DCTN5: variants seen among roughly 807,000 people sequenced by gnomAD.
DCTN5 encodes the protein dynactin subunit 5.
DCTN5 carries 14 observed loss-of-function variants against 23.5 expected under a neutral mutation model. The observed-to-expected ratio is 0.60, with a 90% CI of 0.39 to 0.93. The LOEUF is 0.93. Among genes scored for constraint, DCTN5 ranks in the 40% least tolerant of loss-of-function variants. The pLI is 0.00. For synonymous variants in DCTN5, 67 were observed against 79.6 expected, an observed-to-expected ratio of 0.84 and a Z score of 0.84; for missense variants, 156 against 225.9, an observed-to-expected ratio of 0.69 and a Z score of 1.98.
Position 23,641,558 on chromosome 16 carries a change from C to T in DCTN5, c.16C>T (p.Leu6=), listed in dbSNP as rs780087217. 6.2e-7 allele frequency: 1 copy of T among 1,614,112 alleles called. No homozygotes were observed. Among genetic ancestry groups the T allele is most frequent in the Middle Eastern group, 1.7e-4 (1 of 6,060 alleles). MELGE[L]LYNKSEYIET... ...GGCGGCGGCCATGGAGTTGGGCGAG[C>T]TGCTCTACAACAAGTCTGAGTACAT... The change falls in exon 1 of 6, where the codon CTG becomes TTG. Residue 6 remains leucine (L), a synonymous_variant. Transcript: ENST00000300087.
chr16:23,661,037 T>G, intron 3 of DCTN5, 133 bp from the exon 4 acceptor site: 1 of 486,346 alleles, frequency 2.1e-6, no homozygotes, highest in African/African-American at 2.0e-5. Context: ...TTTTCTAGCC[T>G]GAGGTTTCTT....
chr16:23,645,137 A>ATTTTTTTTTTTTTTTT (rs869033729), intron 2 of DCTN5, among the ~76,000 whole-genome samples: 1 of 30,806 alleles, frequency 3.2e-5, no homozygotes, highest in African/African-American at 1.3e-4. Context: ...ATATATATAT[A>ATTTTTTTTTTTTTTTT]TTTTTTTTTT....
rs760047511 is a variant in DCTN5, at chr16:23,661,166, C to A, written c.237-4C>A. 8.1e-6 allele frequency: 13 copies of A among 1,602,164 alleles called. No individual in the cohort carries two copies. The African/African-American group carries it at 1.7e-4, about 21-fold the overall frequency. ...TCTGTGTTCATCTTCTTTTCCTCTT[C>A]TAGTGTTGCATTCTTTCCTTTACAT... On this transcript the variant is annotated splice_polypyrimidine_tract_variant and splice_region_variant and intron_variant, in intron 3 of 5. Coordinates refer to ENST00000300087, the MANE Select transcript of DCTN5 (RefSeq NM_032486.4).
intron 4 of DCTN5, among the ~76,000 whole-genome samples, chr16:23,664,489 T>C (rs1367735004): frequency 1.3e-5 from 2 of 152,234 alleles, no homozygotes; most frequent in Non-Finnish European, 2.9e-5. Context: ...TGTAAAGATT[T>C]CCACATTCTC....
chr16:23,658,462 C>T (rs1470953289), intron 2 of DCTN5, 45 bp from the exon 3 acceptor site: 12 of 1,285,680 alleles, frequency 9.3e-6, no homozygotes, highest in Admixed American at 6.8e-5. Flanking sequence ...TTTGTTACGT[C>T]TTAGGCTATG....
chr16:23,658,699 TGTG>T, intron 3 of DCTN5, 74 bp downstream of exon 3: 1 of 1,122,570 alleles, frequency 8.9e-7, no homozygotes, highest in Non-Finnish European at 1.4e-6. Context: ...TGTGTTGAGT[TGTG>T]GTATAATGAC....
chr16:23,667,886 G>T lies in DCTN5; in HGVS notation c.*742G>T, dbSNP rs1210626806. On this transcript the variant is annotated 3_prime_UTR_variant, in exon 6 of 6. Transcript: ENST00000300087. ...CTCATGTGGATGCATTAGTCAGGTGGTTACTCCTTGCTTCAAGGTACTTAC... is the reference window on the plus strand; with the variant it reads ...CTCATGTGGATGCATTAGTCAGGTGTTTACTCCTTGCTTCAAGGTACTTAC... 6.6e-6 allele frequency: 1 copy of T among 152,188 alleles called. No individual in the cohort carries two copies. The highest frequency in any genetic ancestry group is 2.4e-5 in the African/African-American group (1 of 41,426). 9.4% of individuals were successfully genotyped at this position (152,188 alleles called of 1,614,324 possible).
chr16:23,641,496 C>A lies in DCTN5; in HGVS notation c.-47C>A. On this transcript the variant is annotated 5_prime_UTR_variant, in exon 1 of 6. Coordinates refer to ENST00000300087, the MANE Select transcript of DCTN5 (RefSeq NM_032486.4). ...TAGCCGGAATCTCTGAAAGACTGAC[C>A]GACTGACTCTGACAGGATCCGGGGC... 4 of 1,611,940 alleles carry A rather than the reference C, an allele frequency of 2.5e-6. No homozygotes were observed. Among genetic ancestry groups the A allele is most frequent in the Non-Finnish European group, 3.4e-6 (4 of 1,178,454 alleles).
chr16:23,650,740 A>G (rs1012814447), intron 2 of DCTN5: 6 of 1,533,274 alleles, frequency 3.9e-6, no homozygotes, highest in African/African-American at 2.7e-5. Context: ...TTATATTTCT[A>G]TCCCTTCTCT....
chr16:23,662,060 A>AT (rs1567233133), intron 4 of DCTN5, among the ~76,000 whole-genome samples: 1 of 151,986 alleles, frequency 6.6e-6, no homozygotes, highest in Non-Finnish European at 1.5e-5. Flanking sequence ...TTAAAAAAAA[A>AT]AAAAACCCAA....
intron 2 of DCTN5, among the ~76,000 whole-genome samples, chr16:23,655,190 A>G (rs1213005390): frequency 1.3e-5 from 2 of 152,138 alleles, no homozygotes; most frequent in Admixed American, 1.3e-4. Context: ...AAATATTATC[A>G]TTATGGAACT....
chr16:23,663,087 C>T (rs909003557), intron 4 of DCTN5, among the ~76,000 whole-genome samples: 15 of 152,236 alleles, frequency 9.9e-5, no homozygotes, highest in Non-Finnish European at 2.1e-4. Context: ...GTCCCCATGA[C>T]ACATAGCTCC....
intron 2 of DCTN5, among the ~76,000 whole-genome samples, chr16:23,650,442 C>A (rs1022945419): frequency 2.6e-5 from 4 of 151,812 alleles, no homozygotes; most frequent in African/African-American, 9.7e-5. Flanking sequence ...CTCCCTCCCT[C>A]CCCACACACC....
chr16:23,660,995 A>G (rs139995223), intron 3 of DCTN5, among the ~76,000 whole-genome samples, 175 bp from the exon 4 acceptor site: 2 of 152,306 alleles, frequency 1.3e-5, no homozygotes, highest in East Asian at 3.9e-4. Context: ...TTGAACTAGT[A>G]ATCATATTCA....
At position 23,645,100 on chromosome 16, in the gene DCTN5, TATATATATATATATATATATATA is replaced by T; in HGVS notation, c.117+2078_117+2100del. 8.1e-5 allele frequency among the ~76,000 whole-genome samples: 2 copies of T among 24,702 alleles called. 1 individual carries two copies. Among genetic ancestry groups the T allele is most frequent in the African/African-American group, 4.0e-4 (2 of 4,960 alleles). The allele number at this position is 24,702 out of a possible 152,430, so 16.2% of individuals were successfully genotyped here. On this transcript the variant is annotated intron_variant, in intron 2 of 5. Coordinates refer to ENST00000300087, the MANE Select transcript of DCTN5 (RefSeq NM_032486.4). ...CAGCCTAACTATATATATATATATA[TATATATATATATATATATATATA>T]TATATATATATATATTTTTTTTTTT...
In DCTN5 at chr16:23,672,541, A is replaced by G. The variant is rs1053655729; in HGVS notation, c.*5397A>G. 2 of 152,196 alleles carry G rather than the reference A, an allele frequency of 1.3e-5. No homozygotes were observed. Among genetic ancestry groups the G allele is most frequent in the Non-Finnish European group, 2.9e-5 (2 of 68,034 alleles). 9.4% of individuals were successfully genotyped at this position (152,196 alleles called of 1,614,324 possible). On this transcript the variant is annotated 3_prime_UTR_variant, in exon 6 of 6. Coordinates refer to ENST00000300087, the MANE Select transcript of DCTN5 (RefSeq NM_032486.4). ...GAGGGAGGAAGCAAGCAAGTGAACAAATGAGTCTGGGATTTAGGACTTGCC... is the reference window on the plus strand; with the variant it reads ...GAGGGAGGAAGCAAGCAAGTGAACAGATGAGTCTGGGATTTAGGACTTGCC...
At chr16:23,641,777 T>C (rs530184089) in intron 1 of DCTN5, among the ~76,000 whole-genome samples, 187 bp downstream of exon 1, 1 of 152,192 alleles carries the variant, frequency 6.6e-6, no homozygotes, top group East Asian at 1.9e-4. Context: ...AGTTGAGGCC[T>C]TTTGTATTTA....
intron 2 of DCTN5, among the ~76,000 whole-genome samples, chr16:23,655,429 G>C (rs944649297): frequency 2.0e-5 from 3 of 152,030 alleles, no homozygotes; most frequent in Admixed American, 2.0e-4. Context: ...GCCCAGGCTG[G>C]AGTGCAGCAA....
chr16:23,661,036 C>T (rs1967799720), intron 3 of DCTN5, 134 bp from the exon 4 acceptor site: 2 of 478,158 alleles, frequency 4.2e-6, no homozygotes, highest in Non-Finnish European at 7.3e-6. Flanking sequence ...TTTTTCTAGC[C>T]TGAGGTTTCT....
Sources: gnomAD v4.1 joint callset for allele counts (sites outside exome capture counted in the v4.1 genomes callset) on GRCh38, gnomAD v4.1.1 for gene constraint, MANE v1.5 for transcripts, NCBI Gene and HGNC (gene_info 2026-07-23, HGNC 2026-07-21) for gene names.